Variants in DPP6 observed in about 807,000 individuals in gnomAD.
The protein encoded by DPP6 is A-type potassium channel modulatory protein DPP6.
DPP6 carries 69 observed loss-of-function variants against 122.6 expected under a neutral mutation model. The observed-to-expected ratio is 0.56, with a 90% CI of 0.46 to 0.69. The LOEUF (loss-of-function observed/expected upper bound fraction) is 0.69. DPP6 is among the 30% of genes least tolerant of loss of function. The probability of loss-of-function intolerance (pLI) is 0.00; values close to 1 mark genes in which losing one functional copy is unlikely to be tolerated. For missense variants in DPP6, 928 were observed against 1,116.9 expected (o/e 0.83, Z 2.41); for synonymous variants, 418 against 433.1 (o/e 0.97, Z 0.43).
intron 3 of DPP6, among the ~76,000 whole-genome samples, chr7:154,528,370 G>A (rs182883260): frequency 1.3e-5 from 2 of 152,120 alleles, no homozygotes. Context: ...TCATAAAGAG[G>A]CACAAAAGGT....
At chr7:154,060,397 C>T (rs1393096041) in intron 1 of DPP6, among the ~76,000 whole-genome samples, 5 of 121,806 alleles carry the variant, frequency 4.1e-5, no homozygotes, top group East Asian at 2.5e-4. Context: ...GCTCTTAGGA[C>T]CCCCATCGCA....
intron 1 of DPP6, among the ~76,000 whole-genome samples, chr7:153,984,376 T>C (rs1796741014): frequency 6.6e-6 from 1 of 152,172 alleles, no homozygotes; most frequent in Non-Finnish European, 1.5e-5. Flanking sequence ...CATAGAAACA[T>C]GTACACAAGA....
intron 1 of DPP6, among the ~76,000 whole-genome samples, chr7:154,247,389 T>C (rs1196590449): frequency 6.6e-6 from 1 of 152,198 alleles, no homozygotes; most frequent in Non-Finnish European, 1.5e-5. Context: ...AGGACTTGTA[T>C]CTACAATATA....
At position 154,481,342 on chromosome 7, in the gene DPP6, GA is replaced by G. The variant is rs1262541700; in HGVS notation, c.457+6306del. 1.3e-3 allele frequency among the ~76,000 whole-genome samples: 109 copies of G among 82,434 alleles called. 1 individual carries two copies. The highest frequency in any genetic ancestry group is 6.0e-3 in the African/African-American group (98 of 16,270). The allele number at this position is 82,434 out of a possible 152,430, so 54.1% of individuals were successfully genotyped here. A position where few individuals can be genotyped will look rare whatever the true frequency, so the allele number is the denominator to read the frequency against. On this transcript the variant is annotated intron_variant, in intron 3 of 25. Coordinates refer to ENST00000377770, the MANE Select transcript of DPP6 (RefSeq NM_130797.4). The surrounding 1 kb of genome is among the most constrained non-coding windows in gnomAD (Gnocchi z 4.2). ...AGCTATACACTTGGAGAGAGAGAGA[GA>G]GGGGTGTGTGTGTGTGTGTGTGTGT...
intron 1 of DPP6, among the ~76,000 whole-genome samples, chr7:154,442,222 AGTAAG>A (rs1363231604): frequency 6.6e-6 from 1 of 152,218 alleles, no homozygotes; most frequent in Non-Finnish European, 1.5e-5. Context: ...CGTTGAACAC[AGTAAG>A]GTAACTGTGT....
intron 6 of DPP6, among the ~76,000 whole-genome samples, chr7:154,648,049 G>A (rs962664593): frequency 2.6e-5 from 4 of 151,066 alleles, no homozygotes; most frequent in African/African-American, 7.3e-5. Context: ...TCAGGAGTTC[G>A]AGACCAGCCT....
chr7:154,168,395 T>A (rs1797364635), intron 1 of DPP6, among the ~76,000 whole-genome samples: 2 of 152,090 alleles, frequency 1.3e-5, no homozygotes, highest in South Asian at 4.2e-4. Context: ...TGGCCTACCC[T>A]GCATGGAAAA....
intron 1 of DPP6, among the ~76,000 whole-genome samples, chr7:154,372,306 A>G (rs1252674556): frequency 6.6e-6 from 1 of 152,138 alleles, no homozygotes; most frequent in Non-Finnish European, 1.5e-5. Flanking sequence ...GGAACCTAGG[A>G]TGCCTTATTA....
At chr7:154,134,723 C>T (rs1795455329) in intron 1 of DPP6, among the ~76,000 whole-genome samples, 1 of 152,182 alleles carries the variant, frequency 6.6e-6, no homozygotes. Context: ...TGAGCTTACA[C>T]TTCCCATGAG....
chr7:154,063,439 AGGGGGGGAGGCACCTCCCGCGAG>A (rs1802360233), intron 1 of DPP6, among the ~76,000 whole-genome samples: 2 of 89,252 alleles, frequency 2.2e-5, no homozygotes, highest in East Asian at 3.7e-4. Context: ...CCCCATCGCA[AGGGGGGGAGGCACCTCCCGCGAG>A]GCAGGGACTG....
At chr7:154,157,945 ATACATATATATG>A (rs1398966788) in intron 1 of DPP6, among the ~76,000 whole-genome samples, 3 of 149,084 alleles carry the variant, frequency 2.0e-5, no homozygotes, top group African/African-American at 7.3e-5. Context: ...AAAAAAATAT[ATACATATATATG>A]TACATATATA....
intron 18 of DPP6, among the ~76,000 whole-genome samples, chr7:154,871,547 C>T (rs1804400088): frequency 6.6e-6 from 1 of 152,214 alleles, no homozygotes; most frequent in Admixed American, 6.5e-5. Flanking sequence ...ATGTTTTCAG[C>T]CAGTCAGAAC....
At chr7:153,757,966 G>A in the DPP6 span, among the ~76,000 whole-genome samples, 1 of 152,092 alleles carries the variant, frequency 6.6e-6, no homozygotes, top group Non-Finnish European at 1.5e-5. Flanking sequence ...CTCAAAAAAT[G>A]TAAAGAAGAA....
chr7:154,554,533 G>GTATT (rs1354686762), intron 4 of DPP6, among the ~76,000 whole-genome samples: 4 of 151,520 alleles, frequency 2.6e-5, no homozygotes, highest in Non-Finnish European at 5.9e-5. Context: ...TATCACATAT[G>GTATT]TATTTATCTA....
At chr7:153,886,892 C>T (rs368841201), upstream of DPP6, among the ~76,000 whole-genome samples, 6 of 152,148 alleles carry the variant, frequency 3.9e-5, no homozygotes, top group Non-Finnish European at 7.4e-5. Flanking sequence ...AGTTAACACC[C>T]GGCTGCGGAC....
At chr7:154,220,650 G>A (rs1437282096) in intron 1 of DPP6, among the ~76,000 whole-genome samples, 1 of 152,170 alleles carries the variant, frequency 6.6e-6, no homozygotes, top group African/African-American at 2.4e-5. Context: ...GTAAGACATG[G>A]AGACTGTTGG....
chr7:154,303,668 A>C (rs1806062719), intron 1 of DPP6, among the ~76,000 whole-genome samples: 1 of 152,174 alleles, frequency 6.6e-6, no homozygotes, highest in South Asian at 2.1e-4. Context: ...AAGGCCAAGC[A>C]CACACCCATA....
chr7:154,557,734 T>C (rs772065994), intron 4 of DPP6, among the ~76,000 whole-genome samples: 3 of 152,048 alleles, frequency 2.0e-5, no homozygotes, highest in Non-Finnish European at 2.9e-5. Flanking sequence ...GAATGAACCA[T>C]GCCATCCCGT....
chr7:154,872,547 C>T (rs974943505), intron 18 of DPP6, 77 bp from the exon 19 acceptor site: 31 of 1,528,338 alleles, frequency 2.0e-5, no homozygotes, highest in Middle Eastern at 3.4e-4. Flanking sequence ...CTCACCCCCA[C>T]GGTCACCCAA....
Sources: gnomAD v4.1 joint callset for allele counts (sites outside exome capture counted in the v4.1 genomes callset) on GRCh38, gnomAD v4.1.1 for gene constraint, Gnocchi (gnomAD v3.1) non-coding constraint, MANE v1.5 for transcripts, NCBI Gene and HGNC (gene_info 2026-07-23, HGNC 2026-07-21) for gene names.